Variants in DCDC2 observed in about 807,000 individuals in gnomAD.
DCDC2 encodes the protein doublecortin domain containing 2, also known as doublecortin domain-containing protein 2.
A neutral mutation model predicts 50.2 loss-of-function variants in DCDC2; 40 were observed. The ratio of observed to expected loss-of-function variants is 0.80; its 90% CI spans 0.62 to 1.04. The LOEUF (loss-of-function observed/expected upper bound fraction) is 1.04. Ranked by LOEUF, DCDC2 falls within the 50% of genes least tolerant of loss-of-function variation. The pLI is 0.00. For missense variants in DCDC2, 570 were observed against 581.9 expected, an observed-to-expected ratio of 0.98 and a Z score of 0.21; for synonymous variants, 234 against 210.6, an observed-to-expected ratio of 1.11 and a Z score of -0.96.
At chr6:24,261,658 C>G (rs372153004) in intron 7 of DCDC2, among the ~76,000 whole-genome samples, 10 of 152,092 alleles carry the variant, frequency 6.6e-5, no homozygotes, top group African/African-American at 1.9e-4. Flanking sequence ...AATATCCTTC[C>G]TTATTGACTT....
chr6:24,359,661 C>G (rs974979710), upstream of DCDC2, among the ~76,000 whole-genome samples: 1 of 146,624 alleles, frequency 6.8e-6, no homozygotes, highest in Non-Finnish European at 1.5e-5. Context: ...CTTTGGGAAA[C>G]TGAGGCAGGA....
At chr6:24,184,682 G>A (rs1013822092) in intron 8 of DCDC2, among the ~76,000 whole-genome samples, 1 of 152,104 alleles carries the variant, frequency 6.6e-6, no homozygotes, top group African/African-American at 2.4e-5. Flanking sequence ...TATAAGAATT[G>A]TCTAGCAGAG....
At chr6:24,243,378 C>T (rs1302842065) in intron 7 of DCDC2, among the ~76,000 whole-genome samples, 1 of 152,294 alleles carries the variant, frequency 6.6e-6, no homozygotes, top group East Asian at 1.9e-4. Context: ...TTAATCCAGG[C>T]TCTGCCACCT....
At chr6:24,303,207 C>G (rs778291850) in intron 2 of DCDC2, among the ~76,000 whole-genome samples, 2 of 151,968 alleles carry the variant, frequency 1.3e-5, no homozygotes, top group Non-Finnish European at 2.9e-5. Flanking sequence ...TTCCGACTTC[C>G]TCCCTATCCT....
At chr6:24,238,078 G>T (rs1301808465) in intron 7 of DCDC2, among the ~76,000 whole-genome samples, 1 of 55,962 alleles carries the variant, frequency 1.8e-5, no homozygotes, top group East Asian at 4.3e-4. Context: ...AAAATAAAAG[G>T]TTTTTTTTTT....
chr6:24,222,170 T>C (rs112597360), intron 7 of DCDC2, among the ~76,000 whole-genome samples: 2,847 of 152,120 alleles, frequency 0.019, 28 homozygotes, highest in South Asian at 0.05. Flanking sequence ...AAATTAAACT[T>C]TGGAGGAACA....
At chr6:24,196,191 A>AT (rs558105632) in intron 8 of DCDC2, among the ~76,000 whole-genome samples, 28 of 145,014 alleles carry the variant, frequency 1.9e-4, no homozygotes, top group Admixed American at 7.8e-4. Context: ...CTTAATTAGG[A>AT]TTTTTTTTTT....
intron 2 of DCDC2, among the ~76,000 whole-genome samples, chr6:24,305,268 G>A (rs746369813): frequency 2.6e-4 from 39 of 151,930 alleles, no homozygotes; most frequent in Middle Eastern, 6.8e-3. Context: ...TTCCTCATTC[G>A]GCATGGCAAA....
intron 1 of DCDC2, among the ~76,000 whole-genome samples, chr6:24,354,657 C>A (rs367704572): frequency 6.6e-6 from 1 of 151,976 alleles, no homozygotes; most frequent in East Asian, 1.9e-4. Flanking sequence ...TGAAATAATA[C>A]CAAAATATTC....
intron 2 of DCDC2, among the ~76,000 whole-genome samples, chr6:24,312,511 A>G (rs1414860049): frequency 6.6e-6 from 1 of 152,148 alleles, no homozygotes; most frequent in East Asian, 1.9e-4. Context: ...TAGTTAGAGA[A>G]TATGTCTTTA....
intron 7 of DCDC2, among the ~76,000 whole-genome samples, chr6:24,273,686 G>GTGCC (rs1763289225): frequency 6.6e-6 from 1 of 152,218 alleles, no homozygotes; most frequent in South Asian, 2.1e-4. Context: ...AACCATGCAA[G>GTGCC]TGCCTGGGTT....
chr6:24,203,307 C>A (rs6938792), intron 8 of DCDC2, among the ~76,000 whole-genome samples: 27,210 of 152,048 alleles, frequency 0.18, 2,785 homozygotes, highest in African/African-American at 0.25. Context: ...AACTGAGCAG[C>A]ACAGAGTTCT....
At chr6:24,203,773 C>T (rs988513718) in intron 8 of DCDC2, among the ~76,000 whole-genome samples, 3 of 151,126 alleles carry the variant, frequency 2.0e-5, no homozygotes, top group Non-Finnish European at 4.4e-5. Context: ...CTACAAGGAA[C>T]TTAAAAAAAT....
intron 7 of DCDC2, among the ~76,000 whole-genome samples, chr6:24,260,151 C>A (rs928077105): frequency 1.4e-4 from 22 of 152,200 alleles, no homozygotes; most frequent in African/African-American, 3.6e-4. Context: ...TTTTCATCAT[C>A]TTCCAAGAAA....
chr6:24,186,268 C>T (rs1053800077), intron 8 of DCDC2, among the ~76,000 whole-genome samples: 21 of 152,146 alleles, frequency 1.4e-4, no homozygotes, highest in African/African-American at 5.1e-4. Context: ...ATATGTAATG[C>T]CAAACATTTA....
chr6:24,216,328 GA>G (rs539779823), intron 7 of DCDC2, among the ~76,000 whole-genome samples: 1,490 of 147,968 alleles, frequency 0.01, 12 homozygotes, highest in African/African-American at 0.02. Flanking sequence ...AAGGTAACAG[GA>G]AAAAAAAAAG....
upstream of DCDC2, among the ~76,000 whole-genome samples, chr6:24,362,479 T>C (rs10675227): frequency 5.1e-5 from 5 of 97,604 alleles, no homozygotes; most frequent in South Asian, 3.0e-4. Flanking sequence ...TTATACAATT[T>C]TTTTATTTAA....
the DCDC2 span, among the ~76,000 whole-genome samples, chr6:24,370,629 G>C: frequency 1.3e-5 from 2 of 152,176 alleles, no homozygotes; most frequent in African/African-American, 4.8e-5. Flanking sequence ...AGGATTGCTC[G>C]GGCCTGGGAG....
chr6:24,201,853 T>A (rs1761595434), intron 8 of DCDC2, among the ~76,000 whole-genome samples: 2 of 152,192 alleles, frequency 1.3e-5, no homozygotes, highest in Admixed American at 1.3e-4. Flanking sequence ...CAGAGAATAC[T>A]ATGAACACCT....
Sources: allele counts gnomAD v4.1 joint callset (sites outside exome capture counted in the v4.1 genomes callset), GRCh38; gene constraint gnomAD v4.1.1; transcripts MANE v1.5; gene names NCBI Gene and HGNC (gene_info 2026-07-23, HGNC 2026-07-21).